The following GPC6 variants were observed in gnomAD, a reference collection of about 807,000 sequenced individuals.
The protein encoded by GPC6 is glypican 6.
In GPC6, 14 loss-of-function variants were observed where a neutral mutation model predicts 55.2. The ratio of observed to expected loss-of-function variants is 0.25; its 90% CI spans 0.17 to 0.40. GPC6 has a LOEUF of 0.40. Among genes scored for constraint, GPC6 ranks in the 10% least tolerant of loss-of-function variants. GPC6 has a pLI of 1.00. For synonymous variants in GPC6, 278 were observed against 259.6 expected (o/e 1.07, Z -0.68); for missense variants, 641 against 708.5 (o/e 0.90, Z 1.08).
At position 93,342,123 on chromosome 13, in the gene GPC6, C is replaced by A. The variant is rs372605335; in HGVS notation, c.160+114507C>A. Among the ~76,000 whole-genome samples the A allele has an allele frequency of 3.3e-5, 5 of 152,056 alleles. No homozygotes were observed. In the East Asian group the frequency reaches 9.7e-4, roughly 30 times the overall value. On this transcript the variant is annotated intron_variant, in intron 1 of 8. Coordinates refer to ENST00000377047, the MANE Select transcript of GPC6 (RefSeq NM_005708.5). Reference sequence around the variant, plus strand: ...TGACCTCGTGAATCACCCACCTCGGCCTCCCAAAGTGCTGAATACTTTTGT... The same window carrying A: ...TGACCTCGTGAATCACCCACCTCGGACTCCCAAAGTGCTGAATACTTTTGT...
intron 3 of GPC6, among the ~76,000 whole-genome samples, chr13:94,018,675 G>T (rs941449511): frequency 6.6e-6 from 1 of 152,152 alleles, no homozygotes; most frequent in Non-Finnish European, 1.5e-5. Context: ...AGGGGTATTT[G>T]TCTATAGCAG....
intron 2 of GPC6, among the ~76,000 whole-genome samples, chr13:93,618,091 TC>T (rs1202022853): frequency 6.6e-6 from 1 of 152,058 alleles, no homozygotes; most frequent in Non-Finnish European, 1.5e-5. Flanking sequence ...CATTTACCTT[TC>T]CTCCATGTAT....
At chr13:93,718,053 T>C (rs1883314272) in intron 2 of GPC6, among the ~76,000 whole-genome samples, 1 of 151,908 alleles carries the variant, frequency 6.6e-6, no homozygotes, top group South Asian at 2.1e-4. Flanking sequence ...CTATTGTGAA[T>C]AATGCTGCAA....
At chr13:93,393,522 A>G (rs1288935911) in intron 1 of GPC6, among the ~76,000 whole-genome samples, 1 of 152,068 alleles carries the variant, frequency 6.6e-6, no homozygotes. Flanking sequence ...TACAACATTC[A>G]GTTTTGACAT....
intron 1 of GPC6, among the ~76,000 whole-genome samples, chr13:93,379,716 T>A (rs906475234): frequency 6.6e-6 from 1 of 152,174 alleles, no homozygotes; most frequent in Non-Finnish European, 1.5e-5. Context: ...ATTGTCTCGT[T>A]CGTTCAGTGG....
chr13:93,835,914 T>G (rs1053670492), intron 3 of GPC6: 8 of 152,202 alleles, frequency 5.3e-5, no homozygotes, highest in African/African-American at 1.9e-4. Context: ...CCATATAACT[T>G]GAACTATTGA....
chr13:94,113,325 C>T (rs1886315590), intron 4 of GPC6, among the ~76,000 whole-genome samples: 1 of 151,864 alleles, frequency 6.6e-6, no homozygotes, highest in African/African-American at 2.4e-5. Context: ...TTAAATGGAC[C>T]CTCAGGAGCC....
At chr13:94,111,246 T>C (rs563855591) in intron 4 of GPC6, among the ~76,000 whole-genome samples, 48 of 152,106 alleles carry the variant, frequency 3.2e-4, no homozygotes, top group East Asian at 1.2e-3. Flanking sequence ...CAAGTATGTT[T>C]TTCCCATCTG....
At chr13:93,238,245 C>T (rs1876306091) in intron 1 of GPC6, among the ~76,000 whole-genome samples, 1 of 152,098 alleles carries the variant, frequency 6.6e-6, no homozygotes, top group Non-Finnish European at 1.5e-5. Flanking sequence ...TTTCTTTCCT[C>T]AGCGTTTTGT....
chr13:93,776,081 G>A (rs1384242570), intron 2 of GPC6, among the ~76,000 whole-genome samples: 2 of 99,590 alleles, frequency 2.0e-5, no homozygotes, highest in East Asian at 3.3e-4. Flanking sequence ...GGGGTGGGGG[G>A]GTGGTGTACA....
intron 1 of GPC6, among the ~76,000 whole-genome samples, chr13:93,358,604 A>G (rs1208606234): frequency 1.3e-5 from 2 of 152,174 alleles, no homozygotes; most frequent in East Asian, 1.9e-4. Context: ...AGCAATTCAA[A>G]TATGTCTAAT....
intron 2 of GPC6, among the ~76,000 whole-genome samples, chr13:93,624,266 T>C (rs2139561841): frequency 6.6e-6 from 1 of 152,272 alleles, no homozygotes; most frequent in African/African-American, 2.4e-5. Context: ...GGAGACCCAG[T>C]AACTAGCAGC....
At chr13:93,317,385 A>G (rs1397299515) in intron 1 of GPC6, among the ~76,000 whole-genome samples, 3 of 152,136 alleles carry the variant, frequency 2.0e-5, no homozygotes, top group Non-Finnish European at 4.4e-5. Flanking sequence ...CTCTGCTTGT[A>G]TTAGTTGGAG....
At chr13:93,573,666 C>T (rs994575650) in intron 2 of GPC6, among the ~76,000 whole-genome samples, 4 of 152,064 alleles carry the variant, frequency 2.6e-5, no homozygotes, top group African/African-American at 9.7e-5. Context: ...AGACCTAGTT[C>T]ATTAATAAAT....
chr13:94,286,083 A>G (rs1188661699), intron 4 of GPC6, among the ~76,000 whole-genome samples: 1 of 152,232 alleles, frequency 6.6e-6, no homozygotes, highest in South Asian at 2.1e-4. Context: ...ATGTGGAATC[A>G]TTAGATATAT....
chr13:94,052,909 C>A (rs901655252), intron 4 of GPC6, among the ~76,000 whole-genome samples: 8 of 152,208 alleles, frequency 5.3e-5, no homozygotes, highest in African/African-American at 1.9e-4. Context: ...CCTTTGCCCA[C>A]CCTCACCACC....
intron 2 of GPC6, among the ~76,000 whole-genome samples, chr13:93,792,473 G>T (rs1462356917): frequency 1.3e-5 from 2 of 152,146 alleles, no homozygotes; most frequent in African/African-American, 4.8e-5. Flanking sequence ...AACATGTCCA[G>T]CTCATTTTTG....
chr13:93,226,442 G>C (rs1001349720), upstream of GPC6, among the ~76,000 whole-genome samples: 1 of 152,204 alleles, frequency 6.6e-6, no homozygotes, highest in Non-Finnish European at 1.5e-5. Context: ...CAACTAGTTA[G>C]AGCCGTGATT....
rs183639877 is a variant in GPC6 at position 93,646,341 on chromosome 13, G to A, written c.319+100920G>A. Among the ~76,000 whole-genome samples the A allele has an allele frequency of 4.8e-3, 735 of 152,074 alleles. 11 individuals are homozygous for A. Among genetic ancestry groups the A allele is most frequent in the Admixed American group, 0.035 (526 of 15,234 alleles). ...GTTTTTTTCATTATAAAGTGAAGAC[G>A]TTTTCCATATTGGAAAAGTGAAAAC... is the stretch of plus-strand genomic sequence containing the variant. On this transcript the variant is annotated intron_variant, in intron 2 of 8. Coordinates refer to ENST00000377047, the MANE Select transcript of GPC6 (RefSeq NM_005708.5).
Sources: allele counts gnomAD v4.1 joint callset (sites outside exome capture counted in the v4.1 genomes callset), GRCh38; gene constraint gnomAD v4.1.1; transcripts MANE v1.5; gene names NCBI Gene and HGNC (gene_info 2026-07-23, HGNC 2026-07-21).